Variants in PRUNE2 observed in about 807,000 individuals in gnomAD.
The protein encoded by PRUNE2 is prune homolog 2 with BCH domain, also known as protein prune homolog 2.
PRUNE2 carries 164 observed loss-of-function variants against 252.0 expected under a neutral mutation model. That is an observed-to-expected ratio of 0.65 (90% CI 0.57 to 0.74). The LOEUF (loss-of-function observed/expected upper bound fraction) is 0.74, where lower values mean the gene tolerates loss of function less well. Among genes scored for constraint, PRUNE2 ranks in the 30% least tolerant of loss-of-function variants. The pLI, the probability that PRUNE2 is intolerant of heterozygous loss-of-function variation, is 0.00. For missense variants in PRUNE2, 3,495 were observed against 3,711.0 expected (o/e 0.94, Z 1.51); for synonymous variants, 1,292 against 1,350.2 (o/e 0.96, Z 0.94).
intron 12 of PRUNE2, chr9:76,642,127 T>C: frequency 1.6e-6 from 1 of 642,974 alleles, no homozygotes. Flanking sequence ...AGTTCTAGCC[T>C]CAGAGGGACC....
chr9:76,875,925 C>A (rs1266971603), intron 1 of PRUNE2, among the ~76,000 whole-genome samples: 1 of 152,296 alleles, frequency 6.6e-6, no homozygotes, highest in East Asian at 1.9e-4. Flanking sequence ...AAACACATAG[C>A]CCTGGTCCCA....
intron 12 of PRUNE2, 166 bp downstream of exon 12, chr9:76,644,573 G>T: frequency 6.8e-6 from 5 of 738,742 alleles, no homozygotes; most frequent in Non-Finnish European, 1.2e-5. Flanking sequence ...AATGTTTATT[G>T]AATTGAATAT....
chr9:76,775,703 A>C (rs1373592191), intron 6 of PRUNE2, among the ~76,000 whole-genome samples: 2 of 152,028 alleles, frequency 1.3e-5, no homozygotes, highest in Non-Finnish European at 2.9e-5. Context: ...AACTCCTCAA[A>C]TTTTCTTGGA....
At chr9:76,699,023 C>A (rs13298410) in intron 9 of PRUNE2, among the ~76,000 whole-genome samples, 1 of 125,866 alleles carries the variant, frequency 7.9e-6, no homozygotes, top group African/African-American at 3.5e-5. Context: ...TTCCTCTCTT[C>A]TCCTTCCCCA....
At chr9:76,838,645 CAAAAAAAA>C (rs10540002) in intron 4 of PRUNE2, among the ~76,000 whole-genome samples, 45 of 84,668 alleles carry the variant, frequency 5.3e-4, no homozygotes, top group Admixed American at 2.6e-3. Flanking sequence ...AACTCTGTCT[CAAAAAAAA>C]AAAAAAAAAA....
intron 1 of PRUNE2, among the ~76,000 whole-genome samples, chr9:76,904,774 G>T (rs918696889): frequency 1.3e-5 from 2 of 152,242 alleles, no homozygotes; most frequent in East Asian, 1.9e-4. Flanking sequence ...AACTTTAATG[G>T]TCTTTTACAA....
intron 4 of PRUNE2, among the ~76,000 whole-genome samples, chr9:76,842,549 C>A (rs2059449242): frequency 6.6e-6 from 1 of 152,140 alleles, no homozygotes; most frequent in African/African-American, 2.4e-5. Flanking sequence ...AACAGGCAAC[C>A]TACAGAGTGG....
intron 9 of PRUNE2, among the ~76,000 whole-genome samples, chr9:76,665,837 C>G (rs1211435008): frequency 4.0e-5 from 6 of 151,892 alleles, no homozygotes; most frequent in South Asian, 2.1e-4. Flanking sequence ...AGTTCGAGAT[C>G]TGTGGGCGGC....
chr9:76,661,906 C>T lies in PRUNE2; in HGVS notation c.8277-6404G>A, dbSNP rs146525864. Among the ~76,000 whole-genome samples, 65 of 151,832 alleles carry T rather than the reference C, an allele frequency of 4.3e-4. No homozygotes were observed. The East Asian group carries it at 0.013, about 29-fold the overall frequency. On this transcript the variant is annotated intron_variant, in intron 9 of 18. Coordinates refer to ENST00000376718, the MANE Select transcript of PRUNE2 (RefSeq NM_015225.3). ...TTTTTTTGAACTCACCAAAACTTAC[C>T]ATACGTGATGTCTCATAAAATACCA...
intron 2 of PRUNE2, among the ~76,000 whole-genome samples, 186 bp from the exon 3 acceptor site, chr9:76,850,851 T>A (rs73653224): frequency 0.086 from 13,019 of 152,098 alleles, 746 homozygotes; most frequent in African/African-American, 0.17. Flanking sequence ...GAGTGGCCCC[T>A]AACATTTTTT....
chr9:76,731,155 T>C (rs2048531872), intron 6 of PRUNE2, among the ~76,000 whole-genome samples: 1 of 151,886 alleles, frequency 6.6e-6, no homozygotes, highest in Admixed American at 6.6e-5. Flanking sequence ...CTTTATGCTA[T>C]GAAAAATGAA....
At chr9:76,632,199 T>A (rs1257311495) in intron 15 of PRUNE2, among the ~76,000 whole-genome samples, 1 of 152,244 alleles carries the variant, frequency 6.6e-6, no homozygotes, top group Non-Finnish European at 1.5e-5. Flanking sequence ...ACTTCTGTTT[T>A]AAGTTCTTTG....
intron 1 of PRUNE2, among the ~76,000 whole-genome samples, chr9:76,893,392 G>A (rs1268698332): frequency 6.6e-6 from 1 of 152,224 alleles, no homozygotes. Context: ...ACAGAATGCT[G>A]TACTTAAACA....
chr9:76,768,575 GTA>G (rs58284637), intron 6 of PRUNE2, among the ~76,000 whole-genome samples: 26,926 of 123,068 alleles, frequency 0.22, 2,601 homozygotes, highest in South Asian at 0.32. Context: ...ATATATATAT[GTA>G]TATGTATGTG....
In PRUNE2 at chr9:76,611,826, G is replaced by A. The variant is rs994616650; in HGVS notation, c.*2744C>T. 1.3e-5 allele frequency: 2 copies of A among 152,718 alleles called. No individual in the cohort carries two copies. The highest frequency in any genetic ancestry group is 4.8e-5 in the African/African-American group (2 of 41,558). The allele number at this position is 152,718 out of a possible 1,614,324, so 9.5% of individuals were successfully genotyped here. A position where few individuals can be genotyped will look rare whatever the true frequency, so the allele number is the denominator to read the frequency against. On this transcript the variant is annotated 3_prime_UTR_variant, in exon 19 of 19. Transcript: ENST00000376718. ...TTCTCACTCCTTGACACTATCTTCT[G>A]TGCAAATTTCTGTTCTTTCTCTTAA...
intron 1 of PRUNE2, among the ~76,000 whole-genome samples, chr9:76,884,275 G>T (rs913690799): frequency 6.6e-6 from 1 of 152,098 alleles, no homozygotes; most frequent in Non-Finnish European, 1.5e-5. Context: ...CAACATAATC[G>T]GGTGGGGGCT....
At position 76,709,118 on chromosome 9, in the gene PRUNE2, T is replaced by G; in HGVS notation, c.3156A>C (p.Glu1052Asp). Residue 1052 changes from glutamate to aspartate, a missense_variant, in exon 8 of 19, where the codon GAA becomes GAC. Glu to Asp is a conservative substitution (Grantham distance 45). Transcript: ENST00000376718. ...CTGTGTGCTCTGTCTTGAGTTCATT[T>G]TCATCCAGGTTGTGAGTGGTATTTA... ...SEINTTHNLDENELKTEHTDG... is the reference protein window; with the variant it reads ...SEINTTHNLDDNELKTEHTDG... 2 of 1,614,024 alleles carry G rather than the reference T, an allele frequency of 1.2e-6. No individual in the cohort carries two copies. The highest frequency in any genetic ancestry group is 1.7e-6 in the Non-Finnish European group (2 of 1,179,908).
intron 1 of PRUNE2, among the ~76,000 whole-genome samples, chr9:76,897,017 G>C (rs1280753965): frequency 6.6e-6 from 1 of 152,174 alleles, no homozygotes; most frequent in Admixed American, 6.5e-5. Flanking sequence ...CATGCAGTGA[G>C]AACAATCTCA....
rs375983111 is a variant in PRUNE2 at position 76,705,776 on chromosome 9, A to G, written c.6498T>C (p.Thr2166=). The G allele has an allele frequency of 2.4e-4, 386 of 1,613,840 alleles. No homozygotes were observed. Among genetic ancestry groups the G allele is most frequent in the Non-Finnish European group, 3.2e-4 (378 of 1,179,900 alleles). The change falls in exon 8 of 19, where the codon ACT becomes ACC. Residue 2166 remains threonine, a synonymous_variant. Transcript: ENST00000376718. ...SNAELDSENA[T]VLPPIGYQAD... is the part of the protein sequence containing the mutation. ...CTTGATAGCCAATTGGAGGCAGCAC[A>G]GTTGCGTTTTCAGAATCGAGTTCTG... is the stretch of plus-strand genomic sequence containing the variant.
Sources: gnomAD v4.1 joint callset for allele counts (sites outside exome capture counted in the v4.1 genomes callset) on GRCh38, gnomAD v4.1.1 for gene constraint, MANE v1.5 for transcripts, NCBI Gene and HGNC (gene_info 2026-07-23, HGNC 2026-07-21) for gene names.